ASXL3: variants seen among roughly 807,000 people sequenced by gnomAD.
The protein encoded by ASXL3 is ASXL transcriptional regulator 3.
A neutral mutation model predicts 170.6 loss-of-function variants in ASXL3; 34 were observed. That is an observed-to-expected ratio of 0.20 (90% CI 0.15 to 0.27). The LOEUF is 0.27. Ranked by LOEUF, ASXL3 falls within the 10% of genes least tolerant of loss-of-function variation. The pLI, the probability that ASXL3 is intolerant of heterozygous loss-of-function variation, is 1.00. For missense variants in ASXL3, 2,592 were observed against 2,695.3 expected, an observed-to-expected ratio of 0.96 and a Z score of 0.85; for synonymous variants, 1,002 against 989.1, an observed-to-expected ratio of 1.01 and a Z score of -0.24.
intron 2 of ASXL3, among the ~76,000 whole-genome samples, chr18:33,613,582 C>T (rs1426576545): frequency 6.6e-6 from 1 of 152,024 alleles, no homozygotes; most frequent in Non-Finnish European, 1.5e-5. Context: ...GTTGGGTGTG[C>T]AGTAGCATTA....
intron 2 of ASXL3, chr18:33,614,999 T>C (rs2065400917): frequency 6.6e-6 from 1 of 152,128 alleles, no homozygotes; most frequent in African/African-American, 2.4e-5. Context: ...AATGATCAAC[T>C]TCAACTTAAA....
chr18:33,718,652 C>T (rs2067206190), intron 8 of ASXL3, among the ~76,000 whole-genome samples: 1 of 151,920 alleles, frequency 6.6e-6, no homozygotes, highest in African/African-American at 2.4e-5. Context: ...GGCTGAAGAC[C>T]ACAGCTCTTA....
intron 2 of ASXL3, among the ~76,000 whole-genome samples, chr18:33,623,726 A>T (rs1290774473): frequency 6.6e-6 from 1 of 152,162 alleles, no homozygotes; most frequent in Admixed American, 6.6e-5. Context: ...AATATCTGAT[A>T]TTTATTTTTT....
Position 33,745,627 on chromosome 18 carries a change from C to T in ASXL3, c.5779C>T (p.His1927Tyr), listed in dbSNP as rs776537093. 6.2e-7 allele frequency: 1 copy of T among 1,613,984 alleles called. No individual in the cohort carries two copies. The highest frequency in any genetic ancestry group is 1.7e-5 in the Admixed American group (1 of 60,024). ...GGFHTDAGTS[H>Y]RQQFYQMPVA... ...CTTCCACACTGACGCTGGTACCTCACACAGACAGCAGTTTTACCAAATGCC... is the reference window on the plus strand; with the variant it reads ...CTTCCACACTGACGCTGGTACCTCATACAGACAGCAGTTTTACCAAATGCC... The change falls in exon 12 of 12, where the codon CAC becomes TAC. Residue 1927 changes from histidine (H) to tyrosine (Y), a missense_variant. Physicochemically the swap from His to Tyr is moderately conservative, Grantham distance 83 (BLOSUM62 2). Transcript: ENST00000269197.
chr18:33,713,230 T>TTG (rs1568343340), intron 8 of ASXL3, among the ~76,000 whole-genome samples: 2 of 64,712 alleles, frequency 3.1e-5, no homozygotes, highest in Non-Finnish European at 5.3e-5. Flanking sequence ...CACAAGAAGG[T>TTG]TTTTTTTGTT....
chr18:33,628,337 A>C (rs894255226), intron 2 of ASXL3, among the ~76,000 whole-genome samples: 2 of 152,100 alleles, frequency 1.3e-5, no homozygotes, highest in African/African-American at 4.8e-5. Flanking sequence ...TCCCTAGAGA[A>C]AAGATTTTGA....
chr18:33,721,657 A>G (rs1053552465), intron 8 of ASXL3, among the ~76,000 whole-genome samples: 1 of 152,032 alleles, frequency 6.6e-6, no homozygotes, highest in Non-Finnish European at 1.5e-5. Context: ...GTTCGGTAAT[A>G]TTTCTCTCTA....
intron 2 of ASXL3, among the ~76,000 whole-genome samples, chr18:33,620,481 A>G (rs1873165594): frequency 5.9e-5 from 9 of 152,138 alleles, no homozygotes; most frequent in Admixed American, 5.9e-4. Flanking sequence ...AGTACTGAAC[A>G]AGAATACAGG....
chr18:33,706,209 A>G (rs918019715), intron 8 of ASXL3, among the ~76,000 whole-genome samples: 5 of 151,720 alleles, frequency 3.3e-5, no homozygotes, highest in Admixed American at 6.6e-5. Context: ...GCTTCTAAAA[A>G]CCAAGGAAAA....
chr18:33,691,728 A>G (rs1335602771), intron 8 of ASXL3, among the ~76,000 whole-genome samples: 1 of 152,194 alleles, frequency 6.6e-6, no homozygotes, highest in East Asian at 1.9e-4. Flanking sequence ...CATAGAGGAG[A>G]TAATTACATT....
intron 2 of ASXL3, among the ~76,000 whole-genome samples, chr18:33,642,517 T>G (rs1389169132): frequency 2.0e-5 from 3 of 152,002 alleles, no homozygotes; most frequent in Non-Finnish European, 4.4e-5. Context: ...GCAAATTATT[T>G]TCTAATGCAA....
At chr18:33,690,482 G>A (rs1021494041) in intron 8 of ASXL3, among the ~76,000 whole-genome samples, 1 of 152,154 alleles carries the variant, frequency 6.6e-6, no homozygotes, top group Admixed American at 6.5e-5. Context: ...ACATCATGTA[G>A]AAGAAAGTAT....
At chr18:33,583,363 A>G (rs1296171612) in intron 1 of ASXL3, among the ~76,000 whole-genome samples, 1 of 152,204 alleles carries the variant, frequency 6.6e-6, no homozygotes, top group Non-Finnish European at 1.5e-5. Flanking sequence ...AGTTTTGCAA[A>G]TGTAGTTTTA....
chr18:33,667,134 A>G (rs1378383959), intron 5 of ASXL3, among the ~76,000 whole-genome samples: 1 of 152,158 alleles, frequency 6.6e-6, no homozygotes, highest in Non-Finnish European at 1.5e-5. Context: ...TGTATCCACT[A>G]ATGCAGGCCA....
At chr18:33,729,135 A>G (rs890770238) in intron 8 of ASXL3, among the ~76,000 whole-genome samples, 35 of 152,184 alleles carry the variant, frequency 2.3e-4, no homozygotes, top group Non-Finnish European at 1.3e-4. Flanking sequence ...CTGGAACAAG[A>G]ACTGTAGGAC....
intron 9 of ASXL3, among the ~76,000 whole-genome samples, chr18:33,732,820 T>G (rs1599555494): frequency 6.7e-6 from 1 of 149,082 alleles, no homozygotes; most frequent in East Asian, 2.0e-4. Context: ...CTGATCATGC[T>G]ACTGCACTCT....
intron 2 of ASXL3, among the ~76,000 whole-genome samples, chr18:33,638,258 TC>T (rs2065800044): frequency 6.6e-6 from 1 of 151,782 alleles, no homozygotes; most frequent in Admixed American, 6.6e-5. Flanking sequence ...AGATAAGGTC[TC>T]ACTGTGTTGC....
intron 5 of ASXL3, among the ~76,000 whole-genome samples, chr18:33,663,058 T>A (rs2066202147): frequency 6.6e-6 from 1 of 152,202 alleles, no homozygotes; most frequent in Non-Finnish European, 1.5e-5. Flanking sequence ...AAGTATCCTT[T>A]GGAAAGCTTG....
intron 1 of ASXL3, among the ~76,000 whole-genome samples, chr18:33,602,706 C>T (rs142855987): frequency 9.9e-5 from 15 of 152,244 alleles, no homozygotes; most frequent in African/African-American, 3.6e-4. Context: ...TCCTGTTCAT[C>T]TAGTCACTAG....
Sources: allele counts gnomAD v4.1 joint callset (sites outside exome capture counted in the v4.1 genomes callset), GRCh38; gene constraint gnomAD v4.1.1; transcripts MANE v1.5; gene names NCBI Gene and HGNC (gene_info 2026-07-23, HGNC 2026-07-21).